AGK: variants seen among roughly 807,000 people sequenced by gnomAD.
AGK encodes acylglycerol kinase.
Under a neutral mutation model 66.4 loss-of-function variants are expected in AGK, and 52 were observed. The observed-to-expected ratio is 0.78, with a 90% CI of 0.63 to 0.99. AGK has a LOEUF of 0.99. Ranked by LOEUF, AGK falls within the 50% of genes least tolerant of loss-of-function variation. AGK has a pLI of 0.00. For missense variants in AGK, 451 were observed against 506.6 expected (o/e 0.89, Z 1.05); for synonymous variants, 182 against 181.1 (o/e 1.00, Z -0.04).
At position 141,649,286 on chromosome 7, in the gene AGK, C is replaced by T; in HGVS notation, c.999C>T (p.Ile333=). The part of the protein sequence containing the change: ...DPTSKEDFLN[I]CIEPDTISKG... ...AGAGCAAAGAAGATTTTCTGAATAT[C>T]TGCATTGAACCTGACACCATCAGCA... is the stretch of plus-strand genomic sequence containing the variant. The change falls in exon 14 of 16, where the codon ATC becomes ATT. Residue 333 remains isoleucine (I), a synonymous_variant. Coordinates refer to ENST00000649286, the MANE Select transcript of AGK (RefSeq NM_018238.4). 1 of 1,613,458 alleles carries T rather than the reference C, an allele frequency of 6.2e-7. No homozygotes were observed. Among genetic ancestry groups the T allele is most frequent in the Non-Finnish European group, 8.5e-7 (1 of 1,179,516 alleles).
At chr7:141,618,177 G>T (rs1373709996) in intron 8 of AGK, among the ~76,000 whole-genome samples, 1 of 152,192 alleles carries the variant, frequency 6.6e-6, no homozygotes, top group Non-Finnish European at 1.5e-5. Flanking sequence ...TTAGTCCTGA[G>T]CACATTGATG....
chr7:141,652,718 C>A, intron 15 of AGK, 69 bp from the exon 16 acceptor site: 2 of 1,515,388 alleles, frequency 1.3e-6, no homozygotes, highest in Non-Finnish European at 1.8e-6. Context: ...TCTGGTGCTG[C>A]TGTGAGACCT....
intron 9 of AGK, among the ~76,000 whole-genome samples, chr7:141,632,982 G>A (rs765741622): frequency 6.6e-6 from 1 of 152,196 alleles, no homozygotes; most frequent in African/African-American, 2.4e-5. Flanking sequence ...TTACCCTTGC[G>A]GAGAAGACAG....
chr7:141,573,228 C>A (rs979892525), intron 2 of AGK, among the ~76,000 whole-genome samples: 3 of 152,052 alleles, frequency 2.0e-5, no homozygotes, highest in African/African-American at 7.2e-5. Flanking sequence ...AAATAACATG[C>A]CTGTCAGCCC....
chr7:141,640,056 G>A (rs1056669666), intron 11 of AGK, among the ~76,000 whole-genome samples: 2 of 152,144 alleles, frequency 1.3e-5, no homozygotes, highest in African/African-American at 4.8e-5. Flanking sequence ...GGTGCAGTTA[G>A]GTCTTCAGGG....
chr7:141,654,407 A>G lies in AGK; in HGVS notation c.*1483A>G, dbSNP rs145307785. The G allele has an allele frequency of 6.6e-6, 1 of 152,310 alleles. No individual in the cohort carries two copies. The highest frequency in any genetic ancestry group is 6.5e-5 in the Admixed American group (1 of 15,298). The allele number at this position is 152,310 out of a possible 1,614,324, so 9.4% of individuals were successfully genotyped here. A position where few individuals can be genotyped will look rare whatever the true frequency, so the allele number is the denominator to read the frequency against. Reference sequence around the variant, plus strand: ...TCGATGGAATAGAATTACGTTAACAATGTTTTTACAGTTCTTTGGATTCCT... The same window carrying G: ...TCGATGGAATAGAATTACGTTAACAGTGTTTTTACAGTTCTTTGGATTCCT... On this transcript the variant is annotated 3_prime_UTR_variant, in exon 16 of 16. Transcript: ENST00000649286.
chr7:141,611,340 T>C (rs1796585374), intron 6 of AGK, 53 bp downstream of exon 6: 7 of 1,335,400 alleles, frequency 5.2e-6, no homozygotes, highest in Admixed American at 1.9e-5. Flanking sequence ...AAATGGAAAT[T>C]AAATCCTAGA....
chr7:141,629,169 A>G (rs1797004079), intron 9 of AGK, among the ~76,000 whole-genome samples: 1 of 152,096 alleles, frequency 6.6e-6, no homozygotes, highest in Non-Finnish European at 1.5e-5. Flanking sequence ...CTCTTTATCT[A>G]GGATCCCTGA....
intron 8 of AGK, among the ~76,000 whole-genome samples, chr7:141,620,109 A>G (rs1191263644): frequency 1.3e-5 from 2 of 152,230 alleles, no homozygotes; most frequent in Non-Finnish European, 2.9e-5. Flanking sequence ...ATTCTATTTT[A>G]TGACATTCTG....
intron 2 of AGK, among the ~76,000 whole-genome samples, chr7:141,578,532 G>A (rs1795804770): frequency 6.6e-6 from 1 of 151,742 alleles, no homozygotes; most frequent in South Asian, 2.1e-4. Flanking sequence ...GAAGTGTTGG[G>A]GCAGCAAAAC....
chr7:141,592,828 C>T (rs1486633566), intron 2 of AGK, among the ~76,000 whole-genome samples: 4 of 152,002 alleles, frequency 2.6e-5, no homozygotes, highest in East Asian at 3.9e-4. Flanking sequence ...CCCAGTCTCC[C>T]GAGTAGTTGG....
chr7:141,649,094 G>GA lies in AGK; in HGVS notation c.976-152dup, dbSNP rs34553236. On this transcript the variant is annotated intron_variant, in intron 13 of 15. Coordinates refer to ENST00000649286, the MANE Select transcript of AGK (RefSeq NM_018238.4). ...ATTATACCTCAGTAAAGCTCTTTGT[G>GA]AAAAAAAAAAAAAAAAAGATTGAAA... The GA allele has an allele frequency of 0.082, 25,911 of 315,436 alleles. 351 individuals are homozygous for GA. The highest frequency in any genetic ancestry group is 0.13 in the African/African-American group (4,782 of 36,918). The allele number at this position is 315,436 out of a possible 1,614,324, so 19.5% of individuals were successfully genotyped here.
intron 2 of AGK, among the ~76,000 whole-genome samples, chr7:141,572,218 C>T (rs1342226667): frequency 6.6e-6 from 1 of 152,178 alleles, no homozygotes; most frequent in Non-Finnish European, 1.5e-5. Flanking sequence ...AAGTTTCATG[C>T]AGCACACCTG....
In AGK at chr7:141,598,471, A is replaced by G. The variant is rs928013115; in HGVS notation, c.221+1830A>G. Among the ~76,000 whole-genome samples, 1 of 152,188 alleles carries G rather than the reference A, an allele frequency of 6.6e-6. No homozygotes were observed. The highest frequency in any genetic ancestry group is 1.5e-5 in the Non-Finnish European group (1 of 68,034). The stretch of plus-strand genomic sequence containing the variant: ...TACTGTTTTGCCACTTACTAGCTCT[A>G]TGATATTGTGGGAGTTAATTCACTT... On this transcript the variant is annotated intron_variant, in intron 4 of 15. Coordinates refer to ENST00000649286, the MANE Select transcript of AGK (RefSeq NM_018238.4). The surrounding 1 kb of genome is among the most constrained non-coding windows in gnomAD (Gnocchi z 4.2).
intron 9 of AGK, among the ~76,000 whole-genome samples, chr7:141,626,877 T>C (rs763250931): frequency 2.0e-5 from 3 of 152,192 alleles, no homozygotes; most frequent in Non-Finnish European, 4.4e-5. Flanking sequence ...ATATTATGTA[T>C]TGATGTTAGA....
chr7:141,571,067 C>T (rs1344618164), intron 2 of AGK, among the ~76,000 whole-genome samples: 1 of 152,202 alleles, frequency 6.6e-6, no homozygotes, highest in Non-Finnish European at 1.5e-5. Context: ...CTGGCCCTGA[C>T]TTTATTTAAA....
chr7:141,587,056 A>C (rs1796009185), intron 2 of AGK, among the ~76,000 whole-genome samples: 9 of 152,168 alleles, frequency 5.9e-5, no homozygotes, highest in Admixed American at 5.9e-4. Context: ...ACAGACCCAG[A>C]ACTAAGCTCA....
chr7:141,632,981 C>T (rs562188417), intron 9 of AGK, among the ~76,000 whole-genome samples: 15 of 152,298 alleles, frequency 9.8e-5, no homozygotes, highest in African/African-American at 3.1e-4. Context: ...CTTACCCTTG[C>T]GGAGAAGACA....
intron 13 of AGK, among the ~76,000 whole-genome samples, chr7:141,647,640 G>A (rs1481415246): frequency 1.3e-5 from 2 of 152,136 alleles, no homozygotes; most frequent in Non-Finnish European, 2.9e-5. Flanking sequence ...CTTGGGATGG[G>A]GCCAGAGTCT....
Sources: allele counts gnomAD v4.1 joint callset (sites outside exome capture counted in the v4.1 genomes callset), GRCh38; gene constraint gnomAD v4.1.1; non-coding constraint Gnocchi (gnomAD v3.1); transcripts MANE v1.5; gene names NCBI Gene and HGNC (gene_info 2026-07-23, HGNC 2026-07-21).